Variants in UBE4B observed in about 807,000 individuals in gnomAD.
UBE4B encodes ubiquitination factor E4B, also known as ubiquitin conjugation factor E4 B.
UBE4B carries 27 observed loss-of-function variants against 148.1 expected under a neutral mutation model. That is an observed-to-expected ratio of 0.18 (90% CI 0.13 to 0.25). The LOEUF (loss-of-function observed/expected upper bound fraction) is 0.25. Ranked by LOEUF, UBE4B falls within the 10% of genes least tolerant of loss-of-function variation. The pLI is 1.00. For synonymous variants in UBE4B, 596 were observed against 619.3 expected (o/e 0.96, Z 0.56); for missense variants, 1,170 against 1,662.4 (o/e 0.70, Z 5.15).
At chr1:10,103,196 G>A in intron 5 of UBE4B, 104 bp downstream of exon 5, 6 of 1,293,586 alleles carry the variant, frequency 4.6e-6, no homozygotes, top group Non-Finnish European at 6.3e-6. Context: ...TTGCTCTTGG[G>A]TTGTATTTTT....
At chr1:10,178,943 C>G in intron 26 of UBE4B, 125 bp downstream of exon 26, 1 of 1,040,348 alleles carries the variant, frequency 9.6e-7, no homozygotes, top group South Asian at 2.2e-5. Flanking sequence ...TTGAGACAAT[C>G]TGTCTTAAAT....
At chr1:10,105,767 A>G (rs1370098578) in intron 6 of UBE4B, 23 bp downstream of exon 6, 13 of 1,604,780 alleles carry the variant, frequency 8.1e-6, no homozygotes, top group South Asian at 1.1e-5. Context: ...CTCTTTGCAC[A>G]TCTTACTGGT....
At chr1:10,048,500 T>A (rs570921318) in intron 1 of UBE4B, among the ~76,000 whole-genome samples, 30 of 152,250 alleles carry the variant, frequency 2.0e-4, no homozygotes, top group South Asian at 1.0e-3. Flanking sequence ...CTCCATCCAT[T>A]CCAGCAATTA....
At chr1:10,096,867 C>T (rs1444207321) in intron 3 of UBE4B, among the ~76,000 whole-genome samples, 5 of 151,736 alleles carry the variant, frequency 3.3e-5, no homozygotes, top group Non-Finnish European at 7.4e-5. Flanking sequence ...CGTGAAACTC[C>T]GTCTCTACTA....
chr1:10,045,335 A>G (rs1334644218), intron 1 of UBE4B, among the ~76,000 whole-genome samples: 1 of 152,208 alleles, frequency 6.6e-6, no homozygotes, highest in Admixed American at 6.5e-5. Flanking sequence ...CTGAACATAC[A>G]GTTAGGAGGA....
chr1:10,162,139 C>T (rs1445509657), intron 23 of UBE4B, among the ~76,000 whole-genome samples: 2 of 151,982 alleles, frequency 1.3e-5, no homozygotes, highest in Non-Finnish European at 2.9e-5. Context: ...GCTGGGATTA[C>T]AGGCGCCTGC....
chr1:10,109,913 A>T (rs1439555387), intron 7 of UBE4B, among the ~76,000 whole-genome samples: 1 of 152,092 alleles, frequency 6.6e-6, no homozygotes, highest in African/African-American at 2.4e-5. Context: ...GGCCTCCCAG[A>T]GTCTCAAACT....
At chr1:10,122,465 A>G (rs1259712815) in intron 10 of UBE4B, among the ~76,000 whole-genome samples, 2 of 152,260 alleles carry the variant, frequency 1.3e-5, no homozygotes, top group African/African-American at 4.8e-5. Context: ...GATTAACTTA[A>G]TGACCATATT....
intron 2 of UBE4B, among the ~76,000 whole-genome samples, chr1:10,074,576 G>A (rs1364227803): frequency 6.6e-6 from 1 of 152,046 alleles, no homozygotes; most frequent in East Asian, 1.9e-4. Context: ...GTTGCTCTGT[G>A]GTTGCTCTGA....
chr1:10,176,784 CTTTTTTT>C (rs946016031), intron 25 of UBE4B, among the ~76,000 whole-genome samples: 7 of 121,778 alleles, frequency 5.7e-5, no homozygotes, highest in East Asian at 4.7e-4. Context: ...TTTTCTTTTT[CTTTTTTT>C]TTTTTTTTTT....
At chr1:10,144,075 G>A (rs1645827411) in intron 17 of UBE4B, among the ~76,000 whole-genome samples, 1 of 152,198 alleles carries the variant, frequency 6.6e-6, no homozygotes, top group Non-Finnish European at 1.5e-5. Context: ...TTGAAATAGT[G>A]TTAAGAGAGT....
rs768678091 is a variant in UBE4B at position 10,171,118 on chromosome 1, A to G, written c.3334-20A>G. 1.2e-6 allele frequency: 2 copies of G among 1,610,160 alleles called. No homozygotes were observed. Among genetic ancestry groups the G allele is most frequent in the Non-Finnish European group, 1.7e-6 (2 of 1,177,826 alleles). ...TTGTCTCAACAGCATGAATTGTCCT[A>G]TTATCCTGTGATTTCCTAGGAGCTT... On this transcript the variant is annotated intron_variant, in intron 24 of 27. Coordinates refer to ENST00000343090, the MANE Select transcript of UBE4B (RefSeq NM_001105562.3).
intron 2 of UBE4B, among the ~76,000 whole-genome samples, chr1:10,076,481 T>C (rs952479726): frequency 6.0e-5 from 9 of 151,232 alleles, no homozygotes; most frequent in African/African-American, 2.2e-4. Flanking sequence ...TGACCTCAGG[T>C]GATCCACCTG....
At chr1:10,166,796 G>A (rs939011904) in intron 23 of UBE4B, among the ~76,000 whole-genome samples, 25 of 152,022 alleles carry the variant, frequency 1.6e-4, no homozygotes, top group Admixed American at 5.2e-4. Flanking sequence ...ATGGTGGCAC[G>A]CACGTGTAAT....
At chr1:10,096,411 T>A (rs1312656642) in intron 3 of UBE4B, among the ~76,000 whole-genome samples, 1 of 152,000 alleles carries the variant, frequency 6.6e-6, no homozygotes, top group African/African-American at 2.4e-5. Flanking sequence ...GTGGCCTCGG[T>A]TTGTGTCAGT....
intron 2 of UBE4B, among the ~76,000 whole-genome samples, chr1:10,077,562 G>A (rs995649184): frequency 6.6e-6 from 1 of 152,214 alleles, no homozygotes; most frequent in African/African-American, 2.4e-5. Context: ...CACATGGCAA[G>A]CAGTCTGGAA....
At chr1:10,124,250 C>T (rs546715611) in intron 10 of UBE4B, among the ~76,000 whole-genome samples, 465 of 152,102 alleles carry the variant, frequency 3.1e-3, no homozygotes, top group Non-Finnish European at 5.5e-3. Flanking sequence ...CAACTTCCAC[C>T]TTCTGGGTTC....
chr1:10,162,093 G>A (rs969361679), intron 23 of UBE4B, among the ~76,000 whole-genome samples: 4 of 151,292 alleles, frequency 2.6e-5, no homozygotes, highest in African/African-American at 9.7e-5. Context: ...CCGCTTCTCC[G>A]GTTGAAGCGA....
chr1:10,139,851 C>G (rs1645758254), intron 17 of UBE4B, among the ~76,000 whole-genome samples: 1 of 152,210 alleles, frequency 6.6e-6, no homozygotes. Flanking sequence ...GCCTCAGCCT[C>G]CTGAGTAGCT....
Sources: allele counts gnomAD v4.1 joint callset (sites outside exome capture counted in the v4.1 genomes callset), GRCh38; gene constraint gnomAD v4.1.1; transcripts MANE v1.5; gene names NCBI Gene and HGNC (gene_info 2026-07-23, HGNC 2026-07-21).